ZNF346: variants seen among roughly 807,000 people sequenced by gnomAD.
ZNF346 encodes zinc finger protein 346.
In ZNF346, 23 loss-of-function variants were observed where a neutral mutation model predicts 33.7. The observed-to-expected ratio is 0.68, with a 90% CI of 0.49 to 0.97. ZNF346 has a LOEUF of 0.97. Ranked by LOEUF, ZNF346 falls within the 50% of genes least tolerant of loss-of-function variation. ZNF346 has a pLI of 0.00. For synonymous variants in ZNF346, 134 were observed against 142.4 expected (o/e 0.94, Z 0.42); for missense variants, 340 against 371.1 (o/e 0.92, Z 0.69).
At chr5:177,046,236 G>A (rs1456684466) in intron 4 of ZNF346, among the ~76,000 whole-genome samples, 1 of 150,920 alleles carries the variant, frequency 6.6e-6, no homozygotes, top group Non-Finnish European at 1.5e-5. Context: ...GGGAGCTGGA[G>A]GTTGCAGTGA....
chr5:177,075,967 G>A lies in ZNF346; in HGVS notation c.*3-3415G>A, dbSNP rs370926603. Among the ~76,000 whole-genome samples the A allele has an allele frequency of 7.9e-5, 12 of 152,182 alleles. No homozygotes were observed. In the South Asian group the frequency reaches 2.3e-3, roughly 29 times the overall value. On this transcript the variant is annotated intron_variant, in intron 8 of 8. Transcript: ENST00000503039. ...CTCCCAAAGTGCTGGGATTACAGGC[G>A]TGAGCCACCACGCCCGTCTGGCTAA...
chr5:177,028,089 A>G (rs1317951502), intron 1 of ZNF346, among the ~76,000 whole-genome samples: 2 of 104,942 alleles, frequency 1.9e-5, no homozygotes, highest in African/African-American at 3.9e-5. Flanking sequence ...GGGTCTTGCC[A>G]GGCTGGAGTG....
exon 9 of ZNF346, chr5:177,080,269 C>T (rs949251250): frequency 2.0e-5 from 3 of 152,218 alleles, no homozygotes; most frequent in African/African-American, 7.2e-5. Context: ...TTCTCACAGT[C>T]CCTCCCTTTC....
At position 177,067,468 on chromosome 5, in the gene ZNF346, C is replaced by G. The variant is rs1783275272; in HGVS notation, c.*2869C>G. 1.3e-5 allele frequency among the ~76,000 whole-genome samples: 2 copies of G among 152,100 alleles called. No homozygotes were observed. The highest frequency in any genetic ancestry group is 4.8e-5 in the African/African-American group (2 of 41,416). On this transcript the variant is annotated 3_prime_UTR_variant, in exon 7 of 7. Transcript: ENST00000358149. ...ATGATCAGACTGCCTCAGCAATTCC[C>G]CAGAGTCCTTCTAAGCCACCTAGTA...
rs143912080 is a variant in ZNF346 at position 177,078,366 on chromosome 5, A to T, written c.*3-1016A>T. Among the ~76,000 whole-genome samples, 557 of 152,338 alleles carry T rather than the reference A, an allele frequency of 3.7e-3. 1 individual carries two copies. The highest frequency in any genetic ancestry group is 4.4e-3 in the Non-Finnish European group (298 of 68,032). On this transcript the variant is annotated intron_variant, in intron 8 of 8. Transcript: ENST00000503039. ...CTGGAGCTCACTGCAGCTGCGAAACAGCAGGTGTCTTGGGGGAGACTGGAG... is the reference window on the plus strand; with the variant it reads ...CTGGAGCTCACTGCAGCTGCGAAACTGCAGGTGTCTTGGGGGAGACTGGAG...
intron 1 of ZNF346, among the ~76,000 whole-genome samples, chr5:177,028,730 T>G (rs1306661049): frequency 1.6e-5 from 2 of 128,572 alleles, no homozygotes; most frequent in African/African-American, 6.0e-5. Flanking sequence ...TTTTTTTTTT[T>G]TTTTTATGAG....
intron 1 of ZNF346, chr5:177,023,341 C>G (rs1776170169): frequency 1.2e-6 from 1 of 844,108 alleles, no homozygotes; most frequent in Non-Finnish European, 1.9e-6. Context: ...CCCACACTTC[C>G]GAGGGCTCTG....
intron 5 of ZNF346, among the ~76,000 whole-genome samples, chr5:177,059,707 G>C (rs886933693): frequency 4.6e-5 from 7 of 152,130 alleles, no homozygotes; most frequent in African/African-American, 1.7e-4. Flanking sequence ...AGTTTCTTCA[G>C]CTTTTATATA....
intron 1 of ZNF346, chr5:177,023,249 G>GT: frequency 6.6e-7 from 1 of 1,524,172 alleles, no homozygotes; most frequent in Non-Finnish European, 8.8e-7. Flanking sequence ...GCCAAGCCGA[G>GT]TGCCCCTCAC....
At position 177,064,776 on chromosome 5, in the gene ZNF346, C is replaced by T. The variant is rs941457573; in HGVS notation, c.*177C>T. ...GGGCTAATTCACTCCTGCTGCTCCC[C>T]TTTGGCAGGGGTCCTGTAGGTCATG... On this transcript the variant is annotated 3_prime_UTR_variant, in exon 7 of 7. Transcript: ENST00000358149. 63 of 608,776 alleles carry T rather than the reference C, an allele frequency of 1.0e-4. No individual in the cohort carries two copies. Among genetic ancestry groups the T allele is most frequent in the Admixed American group, 2.1e-4 (8 of 37,386 alleles). The allele number at this position is 608,776 out of a possible 1,614,324, so 37.7% of individuals were successfully genotyped here.
chr5:177,045,508 C>G (rs1227933400), intron 4 of ZNF346, among the ~76,000 whole-genome samples: 2 of 152,026 alleles, frequency 1.3e-5, no homozygotes, highest in African/African-American at 4.8e-5. Context: ...GTGCCCACCA[C>G]CATGCCCAGC....
rs10682528 is a variant in ZNF346, at chr5:177,028,040, C to CTTTTTTTTTTTTTTTTTT, written c.175+5142_175+5159dup. Among the ~76,000 whole-genome samples, 2 of 33,502 alleles carry CTTTTTTTTTTTTTTTTTT rather than the reference C, an allele frequency of 6.0e-5. 1 individual carries two copies. Among genetic ancestry groups the CTTTTTTTTTTTTTTTTTT allele is most frequent in the African/African-American group, 2.8e-4 (2 of 7,192 alleles). 22.0% of individuals were successfully genotyped at this position (33,502 alleles called of 152,430 possible). On this transcript the variant is annotated intron_variant, in intron 1 of 6. Transcript: ENST00000358149. ...GAATATTTTGTTTCTCCTTGTGTCA[C>CTTTTTTTTTTTTTTTTTT]TTTTTTTTTTTTTTTTTTTTTTTTT...
chr5:177,034,295 G>A (rs951046734), intron 1 of ZNF346, among the ~76,000 whole-genome samples: 1 of 151,002 alleles, frequency 6.6e-6, no homozygotes, highest in Non-Finnish European at 1.5e-5. Flanking sequence ...TCACTTCACT[G>A]CAGCCTTGAC....
chr5:177,056,280 G>A (rs1456702705), intron 5 of ZNF346, among the ~76,000 whole-genome samples: 2 of 152,082 alleles, frequency 1.3e-5, no homozygotes, highest in East Asian at 1.9e-4. Flanking sequence ...TACAGGTGCT[G>A]GAGAGGTTGT....
chr5:177,078,046 C>T (rs1783837421), intron 8 of ZNF346, among the ~76,000 whole-genome samples: 1 of 152,100 alleles, frequency 6.6e-6, no homozygotes, highest in African/African-American at 2.4e-5. Context: ...ACTCGGGTGG[C>T]TGAGGCAGGA....
chr5:177,045,017 T>C (rs1014801952), intron 4 of ZNF346, among the ~76,000 whole-genome samples: 9 of 152,234 alleles, frequency 5.9e-5, no homozygotes, highest in Non-Finnish European at 1.3e-4. Context: ...CAAAGCTGAA[T>C]ACTTCAGTGC....
chr5:177,053,587 T>G (rs925413323), intron 5 of ZNF346, among the ~76,000 whole-genome samples: 1 of 152,222 alleles, frequency 6.6e-6, no homozygotes, highest in South Asian at 2.1e-4. Context: ...TTAAAAGACC[T>G]GGAAGAAATT....
At chr5:177,061,298 A>C (rs1235346990) in intron 5 of ZNF346, among the ~76,000 whole-genome samples, 2 of 151,942 alleles carry the variant, frequency 1.3e-5, no homozygotes, top group Non-Finnish European at 2.9e-5. Context: ...TACAAAAATT[A>C]GCTGGGTGTG....
intron 6 of ZNF346, among the ~76,000 whole-genome samples, chr5:177,062,387 T>C (rs1476000701): frequency 1.3e-5 from 2 of 152,206 alleles, no homozygotes; most frequent in African/African-American, 4.8e-5. Context: ...CATACATGAT[T>C]TCCTTGGTGG....
Sources: allele counts gnomAD v4.1 joint callset (sites outside exome capture counted in the v4.1 genomes callset), GRCh38; gene constraint gnomAD v4.1.1; transcripts MANE v1.5; gene names NCBI Gene and HGNC (gene_info 2026-07-23, HGNC 2026-07-21).